The following GRB10 variants were observed in gnomAD, a reference collection of about 807,000 sequenced individuals.
GRB10 encodes growth factor receptor bound protein 10.
In GRB10, 20 loss-of-function variants were observed where a neutral mutation model predicts 80.9. The ratio of observed to expected loss-of-function variants is 0.25; its 90% CI spans 0.17 to 0.36. The LOEUF (loss-of-function observed/expected upper bound fraction) is 0.36. Ranked by LOEUF, GRB10 falls within the 10% of genes least tolerant of loss-of-function variation. The pLI is 1.00. For synonymous variants in GRB10, 291 were observed against 291.5 expected, an observed-to-expected ratio of 1.00 and a Z score of 0.02; for missense variants, 548 against 747.7, an observed-to-expected ratio of 0.73 and a Z score of 3.12.
intron 4 of GRB10, among the ~76,000 whole-genome samples, chr7:50,730,254 C>T (rs2069439134): frequency 6.6e-6 from 1 of 152,202 alleles, no homozygotes; most frequent in African/African-American, 2.4e-5. Context: ...AATTTTGGTG[C>T]TTCTGTGCAT....
chr7:50,618,260 T>G (rs913003440), intron 9 of GRB10, 121 bp from the exon 10 acceptor site: 1 of 755,072 alleles, frequency 1.3e-6, no homozygotes, highest in Non-Finnish European at 2.3e-6. Context: ...CACCTGTATT[T>G]AAAATGGCGG....
chr7:50,713,876 G>GCTC (rs1306332373), intron 4 of GRB10, among the ~76,000 whole-genome samples: 1 of 148,438 alleles, frequency 6.7e-6, no homozygotes. Flanking sequence ...CTCACCTCTA[G>GCTC]CTCCTCCTCC....
intron 8 of GRB10, among the ~76,000 whole-genome samples, chr7:50,625,466 C>G (rs2052707662): frequency 6.6e-6 from 1 of 152,022 alleles, no homozygotes; most frequent in African/African-American, 2.4e-5. Flanking sequence ...GTCTAATTTC[C>G]AAGTTACTTG....
intron 8 of GRB10, among the ~76,000 whole-genome samples, chr7:50,625,793 AG>A (rs1346478104): frequency 6.6e-6 from 1 of 152,248 alleles, no homozygotes; most frequent in South Asian, 2.1e-4. Flanking sequence ...CAGAGACTTA[AG>A]GTGGTGTCAG....
intron 2 of GRB10, among the ~76,000 whole-genome samples, chr7:50,771,008 C>T (rs1246393644): frequency 1.3e-5 from 2 of 151,936 alleles, no homozygotes; most frequent in African/African-American, 4.9e-5. Context: ...CAGCCCTGCC[C>T]AGCACCCAGG....
exon 1 of GRB10, chr7:50,793,385 T>G (rs1189251924): frequency 2.0e-5 from 3 of 148,284 alleles, no homozygotes; most frequent in Non-Finnish European, 4.5e-5. Flanking sequence ...GCGGAAACTT[T>G]GGGCTCCACC....
intron 4 of GRB10, among the ~76,000 whole-genome samples, chr7:50,717,450 AGT>A (rs10559456): frequency 0.84 from 127,157 of 151,544 alleles, 53,393 homozygotes; most frequent in Middle Eastern, 0.92. Context: ...AAGCTTGAAG[AGT>A]GTGTGTGTGT....
At chr7:50,666,299 C>T (rs189863745) in intron 7 of GRB10, among the ~76,000 whole-genome samples, 8 of 152,330 alleles carry the variant, frequency 5.3e-5, no homozygotes, top group South Asian at 2.1e-4. Context: ...GCAAAACACC[C>T]GGCCCGTTGT....
intron 7 of GRB10, among the ~76,000 whole-genome samples, chr7:50,654,655 T>C (rs1001482148): frequency 1.2e-4 from 19 of 152,336 alleles, no homozygotes; most frequent in African/African-American, 3.6e-4. Flanking sequence ...TTACAAAAAA[T>C]GTGCAAAAAG....
Position 50,614,710 on chromosome 7 carries a change from G to A in GRB10, c.1095+60C>T, listed in dbSNP as rs571640326. 7.2e-5 allele frequency: 72 copies of A among 999,342 alleles called. No individual in the cohort carries two copies. In the South Asian group the frequency reaches 8.1e-4, roughly 11 times the overall value. 61.9% of individuals were successfully genotyped at this position (999,342 alleles called of 1,614,324 possible). A position where few individuals can be genotyped will look rare whatever the true frequency, so the allele number is the denominator to read the frequency against. On this transcript the variant is annotated intron_variant, in intron 12 of 18. Transcript: ENST00000401949. ...AACAATCAAGTGCTGGGCAAGAGAA[G>A]AAGTCAGTCTCCTGTGGGCTGCTGA...
At chr7:50,750,950 C>T (rs939360498) in intron 3 of GRB10, among the ~76,000 whole-genome samples, 2 of 152,140 alleles carry the variant, frequency 1.3e-5, no homozygotes, top group Non-Finnish European at 2.9e-5. Flanking sequence ...CCACCTAGGA[C>T]GTGAGTGGAG....
intron 4 of GRB10, among the ~76,000 whole-genome samples, chr7:50,730,783 G>A (rs1233993710): frequency 6.6e-6 from 1 of 152,184 alleles, no homozygotes; most frequent in African/African-American, 2.4e-5. Flanking sequence ...GGAAATGCCA[G>A]GAAGGGAAGG....
intron 17 of GRB10, among the ~76,000 whole-genome samples, chr7:50,602,502 A>G (rs962268372): frequency 6.6e-6 from 1 of 152,268 alleles, no homozygotes; most frequent in Non-Finnish European, 1.5e-5. Flanking sequence ...TCAGGGAGAC[A>G]GAGGAACTTA....
intron 4 of GRB10, among the ~76,000 whole-genome samples, chr7:50,728,653 T>C (rs1231531038): frequency 6.6e-6 from 1 of 152,152 alleles, no homozygotes; most frequent in Non-Finnish European, 1.5e-5. Flanking sequence ...CAAAACCCAA[T>C]GGCCAAGTTC....
At chr7:50,634,463 G>A (rs2054570332) in intron 7 of GRB10, among the ~76,000 whole-genome samples, 1 of 152,172 alleles carries the variant, frequency 6.6e-6, no homozygotes, top group Non-Finnish European at 1.5e-5. Flanking sequence ...AAAGCTCACT[G>A]TATAAAGCAA....
chr7:50,650,597 T>A (rs1427365970), intron 7 of GRB10, among the ~76,000 whole-genome samples: 1 of 152,106 alleles, frequency 6.6e-6, no homozygotes, highest in Non-Finnish European at 1.5e-5. Flanking sequence ...CAGCTGCAAA[T>A]GGAGTGGTGG....
chr7:50,749,108 T>C (rs1244566814), intron 3 of GRB10, among the ~76,000 whole-genome samples: 2 of 121,724 alleles, frequency 1.6e-5, no homozygotes, highest in Non-Finnish European at 1.9e-5. Flanking sequence ...TGTTGGGTTT[T>C]TTTGTTTTGT....
intron 7 of GRB10, among the ~76,000 whole-genome samples, chr7:50,662,354 C>A (rs1007144627): frequency 6.6e-6 from 1 of 152,242 alleles, no homozygotes; most frequent in African/African-American, 2.4e-5. Flanking sequence ...TGAAAGTCTG[C>A]CAATACCTCC....
intron 2 of GRB10, among the ~76,000 whole-genome samples, chr7:50,770,335 C>A (rs2153709031): frequency 6.6e-6 from 1 of 152,354 alleles, no homozygotes; most frequent in Middle Eastern, 3.4e-3. Flanking sequence ...CTCTCTGAGG[C>A]CTAAGCTGCT....
Sources: allele counts gnomAD v4.1 joint callset (sites outside exome capture counted in the v4.1 genomes callset), GRCh38; gene constraint gnomAD v4.1.1; transcripts MANE v1.5; gene names NCBI Gene and HGNC (gene_info 2026-07-23, HGNC 2026-07-21).